The following CCSER1 variants were observed in gnomAD, a reference collection of about 807,000 sequenced individuals.
The protein encoded by CCSER1 is serine-rich coiled-coil domain-containing protein 1.
In CCSER1, 41 loss-of-function variants were observed where a neutral mutation model predicts 82.0. The observed-to-expected ratio is 0.50, with a 90% CI of 0.39 to 0.65. The LOEUF (loss-of-function observed/expected upper bound fraction) is 0.65. Among genes scored for constraint, CCSER1 ranks in the 30% least tolerant of loss-of-function variants. The pLI is 0.00. For synonymous variants in CCSER1, 414 were observed against 383.9 expected (o/e 1.08, Z -0.92); for missense variants, 1,119 against 1,064.2 (o/e 1.05, Z -0.72).
chr4:90,230,779 A>C (rs1744350626), intron 1 of CCSER1, among the ~76,000 whole-genome samples: 1 of 152,124 alleles, frequency 6.6e-6, no homozygotes, highest in Non-Finnish European at 1.5e-5. Context: ...ATAAAAAATG[A>C]TAAAGGGGAT....
intron 9 of CCSER1, among the ~76,000 whole-genome samples, chr4:90,993,700 A>G (rs941261376): frequency 2.6e-5 from 4 of 151,968 alleles, no homozygotes; most frequent in Admixed American, 1.3e-4. Flanking sequence ...GTGGCTGAGA[A>G]ATCATCTATC....
chr4:90,757,936 T>C (rs929629756), intron 7 of CCSER1, among the ~76,000 whole-genome samples: 37 of 150,492 alleles, frequency 2.5e-4, no homozygotes, highest in Non-Finnish European at 3.0e-4. Flanking sequence ...TCCTTTTCTT[T>C]TTTTTTTTTT....
chr4:90,691,580 GCATGTGAATATATCA>G (rs371672972), intron 6 of CCSER1, among the ~76,000 whole-genome samples: 23,589 of 151,456 alleles, frequency 0.16, 2,073 homozygotes, highest in Middle Eastern at 0.25. Context: ...CATGTATAAT[GCATGTGAATATATCA>G]CATGTGTATA....
At position 91,005,924 on chromosome 4, in the gene CCSER1, G is replaced by C. The variant is rs565123791; in HGVS notation, c.2173-80026G>C. Among the ~76,000 whole-genome samples, 176 of 152,184 alleles carry C rather than the reference G, an allele frequency of 1.2e-3. 1 individual carries two copies. Among genetic ancestry groups the C allele is most frequent in the South Asian group, 2.5e-3 (12 of 4,828 alleles). ...CTGAGCTCTCTATTCTGTTCCACTGGTCTATATGTCTGTTTTTATGCCAGT... is the reference window on the plus strand; with the variant it reads ...CTGAGCTCTCTATTCTGTTCCACTGCTCTATATGTCTGTTTTTATGCCAGT... On this transcript the variant is annotated intron_variant, in intron 9 of 10. Transcript: ENST00000509176.
chr4:91,366,640 A>G (rs910996960), intron 10 of CCSER1, among the ~76,000 whole-genome samples: 1 of 152,234 alleles, frequency 6.6e-6, no homozygotes, highest in Non-Finnish European at 1.5e-5. Flanking sequence ...CAGAGCTAGC[A>G]TGCTACAGCA....
intron 8 of CCSER1, among the ~76,000 whole-genome samples, chr4:90,849,693 G>A (rs1199523717): frequency 7.3e-5 from 11 of 151,558 alleles, no homozygotes; most frequent in Non-Finnish European, 1.2e-4. Context: ...GGAGGCTGAG[G>A]CAGGAGGATG....
chr4:91,406,553 C>A (rs536143737), intron 10 of CCSER1, among the ~76,000 whole-genome samples: 1 of 152,152 alleles, frequency 6.6e-6, no homozygotes, highest in Admixed American at 6.6e-5. Flanking sequence ...TCCACAAATA[C>A]ACGCTAGTAA....
chr4:90,239,502 T>G (rs1029190979), intron 1 of CCSER1, among the ~76,000 whole-genome samples: 3 of 152,182 alleles, frequency 2.0e-5, no homozygotes, highest in Admixed American at 2.0e-4. Flanking sequence ...AATAGATTGA[T>G]CTGTTATATA....
chr4:90,709,689 G>T (rs929620013), intron 6 of CCSER1, among the ~76,000 whole-genome samples: 1 of 152,072 alleles, frequency 6.6e-6, no homozygotes, highest in East Asian at 1.9e-4. Flanking sequence ...TATCATTGAT[G>T]GGCATTTAGG....
chr4:90,345,455 T>C (rs1742153540), intron 3 of CCSER1, among the ~76,000 whole-genome samples: 1 of 152,094 alleles, frequency 6.6e-6, no homozygotes, highest in African/African-American at 2.4e-5. Context: ...CCCAGTGTGG[T>C]ACTTTATAAA....
At chr4:90,695,786 T>C (rs772715936) in intron 6 of CCSER1, among the ~76,000 whole-genome samples, 2 of 152,060 alleles carry the variant, frequency 1.3e-5, no homozygotes, top group African/African-American at 2.4e-5. Context: ...ATGATATTTA[T>C]ATTTTTTCAA....
chr4:91,573,223 G>A (rs1311922576), intron 10 of CCSER1, among the ~76,000 whole-genome samples: 1 of 152,192 alleles, frequency 6.6e-6, no homozygotes, highest in Non-Finnish European at 1.5e-5. Flanking sequence ...TAAGGATGGT[G>A]TTCCACCCCC....
intron 10 of CCSER1, among the ~76,000 whole-genome samples, chr4:91,113,066 G>A (rs1232526593): frequency 2.0e-5 from 3 of 152,192 alleles, no homozygotes; most frequent in South Asian, 2.1e-4. Flanking sequence ...TTATAGCTGC[G>A]GCTATAGAAA....
intron 1 of CCSER1, among the ~76,000 whole-genome samples, chr4:90,290,592 C>T (rs1171860146): frequency 1.3e-5 from 2 of 151,854 alleles, no homozygotes; most frequent in Non-Finnish European, 2.9e-5. Flanking sequence ...CAACTGTTAG[C>T]CTGAGGAAAT....
intron 10 of CCSER1, among the ~76,000 whole-genome samples, chr4:91,167,962 G>A (rs890152979): frequency 4.0e-5 from 6 of 150,348 alleles, no homozygotes; most frequent in Non-Finnish European, 8.9e-5. Context: ...CCCCGTCTGG[G>A]AAGTGGGGAG....
chr4:91,496,172 T>C lies in CCSER1; in HGVS notation c.2218-102400T>C, dbSNP rs139788153. On this transcript the variant is annotated intron_variant, in intron 10 of 10. Coordinates refer to ENST00000509176, the MANE Select transcript of CCSER1 (RefSeq NM_001145065.2). ...AATCCTAAATGCAGTACCTCAGACA[T>C]TTTTATTCATGGGCATGAAGTAAGA... Among the ~76,000 whole-genome samples the C allele has an allele frequency of 2.6e-5, 4 of 151,556 alleles. No individual in the cohort carries two copies. The East Asian group carries it at 7.8e-4, about 29-fold the overall frequency.
chr4:91,106,742 T>G (rs2148863498), intron 10 of CCSER1, among the ~76,000 whole-genome samples: 1 of 152,346 alleles, frequency 6.6e-6, no homozygotes, highest in African/African-American at 2.4e-5. Flanking sequence ...CACACCACTG[T>G]ACTCTGTGCA....
chr4:90,166,470 A>G (rs991334619), intron 1 of CCSER1, among the ~76,000 whole-genome samples: 7 of 151,978 alleles, frequency 4.6e-5, no homozygotes, highest in Non-Finnish European at 1.0e-4. Context: ...TTTTTTTGGA[A>G]ATAGCACCCT....
intron 4 of CCSER1, among the ~76,000 whole-genome samples, chr4:90,460,762 G>C (rs1427944111): frequency 2.6e-5 from 4 of 151,946 alleles, no homozygotes; most frequent in African/African-American, 9.7e-5. Context: ...TCTTTTGATG[G>C]CTCTTCTCTC....
Sources: gnomAD v4.1 joint callset for allele counts (sites outside exome capture counted in the v4.1 genomes callset) on GRCh38, gnomAD v4.1.1 for gene constraint, MANE v1.5 for transcripts, NCBI Gene and HGNC (gene_info 2026-07-23, HGNC 2026-07-21) for gene names.